Variants in GBP1 observed in about 807,000 individuals in gnomAD.
The protein encoded by GBP1 is guanylate-binding protein 1.
Under a neutral mutation model 69.5 loss-of-function variants are expected in GBP1, and 64 were observed. That is an observed-to-expected ratio of 0.92 (90% CI 0.75 to 1.13). The LOEUF is 1.13. GBP1 is among the 50% of genes most tolerant of loss of function. The pLI, the probability that GBP1 is intolerant of heterozygous loss-of-function variation, is 0.00. For missense variants in GBP1, 630 were observed against 704.1 expected (o/e 0.89, Z 1.19); for synonymous variants, 250 against 261.2 (o/e 0.96, Z 0.41).
At chr1:89,054,911 G>C in intron 9 of GBP1, 36 bp from the exon 10 acceptor site, 2 of 1,602,496 alleles carry the variant, frequency 1.2e-6, no homozygotes, top group South Asian at 2.2e-5. Flanking sequence ...ATTTGTGTGG[G>C]GTTATCTTGT....
intron 5 of GBP1, 91 bp from the exon 6 acceptor site, chr1:89,058,325 G>T: frequency 1.8e-6 from 2 of 1,128,896 alleles, no homozygotes; most frequent in Non-Finnish European, 2.5e-6. Context: ...CTTCAGGCTG[G>T]ATGGTCTCTT....
intron 1 of GBP1, among the ~76,000 whole-genome samples, chr1:89,064,817 T>C (rs984570023): frequency 2.0e-5 from 3 of 152,228 alleles, no homozygotes; most frequent in Non-Finnish European, 2.9e-5. Context: ...AATGTAATCA[T>C]ATCCCTAGTC....
At chr1:89,057,190 A>G in intron 6 of GBP1, 56 bp from the exon 7 acceptor site, 3 of 1,602,432 alleles carry the variant, frequency 1.9e-6, no homozygotes, top group Non-Finnish European at 2.6e-6. Flanking sequence ...TCTCTATTCC[A>G]TGTAATTCTG....
chr1:89,052,896 C>T lies in GBP1; in HGVS notation c.*459G>A, dbSNP rs1482723820. ...GTGAGGATTATACATGGGCAATGTC[C>T]AGAAATCACATTATTGCTCATAGAC... On this transcript the variant is annotated 3_prime_UTR_variant, in exon 11 of 11. Transcript: ENST00000370473. 1 of 152,878 alleles carries T rather than the reference C, an allele frequency of 6.5e-6. No homozygotes were observed. Among genetic ancestry groups the T allele is most frequent in the Non-Finnish European group, 1.5e-5 (1 of 68,600 alleles). 9.5% of individuals were successfully genotyped at this position (152,878 alleles called of 1,614,324 possible). A position where few individuals can be genotyped will look rare whatever the true frequency, so the allele number is the denominator to read the frequency against.
At position 89,056,002 on chromosome 1, in the gene GBP1, T is replaced by C; in HGVS notation, c.1368+14A>G. 4 of 1,613,970 alleles carry C rather than the reference T, an allele frequency of 2.5e-6. No homozygotes were observed. Among genetic ancestry groups the C allele is most frequent in the Non-Finnish European group, 3.4e-6 (4 of 1,179,842 alleles). On this transcript the variant is annotated intron_variant, in intron 8 of 10. Transcript: ENST00000370473. ...TCAGCAGCTTTCCATAATTGACAGA[T>C]AAATCTTGGTTACCTGTATCCCCTT...
Position 89,054,389 on chromosome 1 carries a change from A to C in GBP1, c.1665+293T>G, listed in dbSNP as rs559274589. On this transcript the variant is annotated intron_variant, in intron 10 of 10. Transcript: ENST00000370473. ...TGCTGGGATTACAGGCGTGAGCCAC[A>C]ATGCCCCACCGAGATACAGATATTT... 8.8e-5 allele frequency among the ~76,000 whole-genome samples: 13 copies of C among 147,828 alleles called. No individual in the cohort carries two copies. The East Asian group carries it at 2.4e-3, about 27-fold the overall frequency.
intron 8 of GBP1, 61 bp downstream of exon 8, chr1:89,055,955 C>A: frequency 6.3e-7 from 1 of 1,599,080 alleles, no homozygotes; most frequent in Non-Finnish European, 8.6e-7. Context: ...GCTTGGTCAC[C>A]TTGGTGTTTG....
rs1680009259 is a variant in GBP1 at position 89,055,028 on chromosome 1, G to A, written c.1471+85C>T. On this transcript the variant is annotated intron_variant, in intron 9 of 10. Transcript: ENST00000370473. ...ACACACCTTTGTGGATCTTGCTCTAGTTAAAGGGTCCCATGTTTATCCAGT... is the reference window on the plus strand; with the variant it reads ...ACACACCTTTGTGGATCTTGCTCTAATTAAAGGGTCCCATGTTTATCCAGT... 4 of 1,451,086 alleles carry A rather than the reference G, an allele frequency of 2.8e-6. No homozygotes were observed. In the South Asian group the frequency reaches 3.8e-5, roughly 14 times the overall value. The allele number at this position is 1,451,086 out of a possible 1,614,324, so 89.9% of individuals were successfully genotyped here. A position where few individuals can be genotyped will look rare whatever the true frequency, so the allele number is the denominator to read the frequency against.
Position 89,055,138 on chromosome 1 carries a change from G to A in GBP1, c.1446C>T (p.Leu482=), listed in dbSNP as rs570295105. 1.2e-5 allele frequency: 20 copies of A among 1,608,906 alleles called. No homozygotes were observed. The East Asian group carries it at 3.8e-4, about 30-fold the overall frequency. ...TDAILQTDQT[L]TEKEKEIEVE... is the part of the protein sequence containing the mutation. ...CTTCAATCTCCTTTTCTTTTTCTGTGAGAGTCTGGTCTGTCTGGAGAATTG... is the reference window on the plus strand; with the variant it reads ...CTTCAATCTCCTTTTCTTTTTCTGTAAGAGTCTGGTCTGTCTGGAGAATTG... Residue 482 remains leucine, a synonymous_variant, in exon 9 of 11, where the codon CTC becomes CTT. Coordinates refer to ENST00000370473, the MANE Select transcript of GBP1 (RefSeq NM_002053.3).
At chr1:89,055,067 T>C (rs1279251663) in intron 9 of GBP1, 46 bp downstream of exon 9, 10 of 1,564,818 alleles carry the variant, frequency 6.4e-6, no homozygotes, top group Non-Finnish European at 7.8e-6. Context: ...GTTATTTCAA[T>C]TTTTGGAGCT....
At position 89,059,343 on chromosome 1, in the gene GBP1, G is replaced by C. The variant is rs563821916; in HGVS notation, c.402C>G (p.Ile134Met). The C allele has an allele frequency of 8.7e-6, 14 of 1,614,104 alleles. No homozygotes were observed. The highest frequency in any genetic ancestry group is 1.0e-5 in the Non-Finnish European group (12 of 1,180,006). ...STFVYNSIGT[I>M]NQQAMDQLYY... ...ACAGTTGGTCCATAGCCTGCTGGTT[G>C]ATGGTTCCTATGCTATTGTACACGA... The change falls in exon 4 of 11, where the codon ATC becomes ATG. Residue 134 changes from isoleucine to methionine, a missense_variant. Ile to Met is a conservative substitution (Grantham distance 10, BLOSUM62 1). Around this residue, in one of 5 missense-constraint regions of GBP1, gnomAD observed 26 missense variants for 54.9 expected, o/e 0.47. Transcript: ENST00000370473.
intron 5 of GBP1, 92 bp downstream of exon 5, chr1:89,058,749 T>G: frequency 1.4e-6 from 2 of 1,392,758 alleles, no homozygotes; most frequent in Non-Finnish European, 2.0e-6. Flanking sequence ...CATAGAAAAC[T>G]GCAAATGCTG....
chr1:89,063,401 A>C, intron 1 of GBP1, 148 bp from the exon 2 acceptor site: 2 of 682,340 alleles, frequency 2.9e-6, no homozygotes, highest in Non-Finnish European at 4.9e-6. Flanking sequence ...AAAGTTATGG[A>C]AGTATTGTCA....
chr1:89,056,481 G>T (rs1427218043), intron 7 of GBP1, among the ~76,000 whole-genome samples: 1 of 152,110 alleles, frequency 6.6e-6, no homozygotes. Flanking sequence ...TTGCATATTG[G>T]ACTAATGATT....
rs542503114 is a variant in GBP1, at chr1:89,059,190, T to C, written c.428+127A>G. The C allele has an allele frequency of 1.9e-5, 30 of 1,594,654 alleles. No homozygotes were observed. The Middle Eastern group carries it at 6.6e-4, about 35-fold the overall frequency. The stretch of plus-strand genomic sequence containing the variant: ...AAGTGGATACATGGGATCTCTCCTC[T>C]GTACTTGCATTATTTTTTGTTTTCT... On this transcript the variant is annotated intron_variant, in intron 4 of 10. Transcript: ENST00000370473.
At chr1:89,064,240 T>TGTGAGAGA (rs1243424526) in intron 1 of GBP1, among the ~76,000 whole-genome samples, 38 of 100,052 alleles carry the variant, frequency 3.8e-4, no homozygotes, top group Middle Eastern at 5.4e-3. Context: ...TGTGTGTGTG[T>TGTGAGAGA]GAGAGAGAGA....
At chr1:89,056,474 C>T (rs1158354708) in intron 7 of GBP1, among the ~76,000 whole-genome samples, 3 of 152,104 alleles carry the variant, frequency 2.0e-5, no homozygotes, top group Admixed American at 6.5e-5. Context: ...TCTGTTTTTG[C>T]ATATTGGACT....
intron 10 of GBP1, among the ~76,000 whole-genome samples, chr1:89,054,300 C>G (rs1679987983): frequency 6.6e-6 from 1 of 152,096 alleles, no homozygotes; most frequent in Non-Finnish European, 1.5e-5. Context: ...CGGGATTTCA[C>G]CGTGTTAGCC....
intron 1 of GBP1, among the ~76,000 whole-genome samples, chr1:89,063,760 T>C (rs1271476493): frequency 1.3e-5 from 2 of 152,246 alleles, no homozygotes; most frequent in Admixed American, 1.3e-4. Flanking sequence ...CTTATTTCAC[T>C]GCAATGAGGA....
Sources: allele counts gnomAD v4.1 joint callset (sites outside exome capture counted in the v4.1 genomes callset), GRCh38; gene constraint gnomAD v4.1.1; regional missense constraint gnomAD v4.1.1; transcripts MANE v1.5; gene names NCBI Gene and HGNC (gene_info 2026-07-23, HGNC 2026-07-21).